Variants in SLC38A7 observed in about 807,000 individuals in gnomAD.
SLC38A7 encodes sodium-coupled neutral amino acid transporter 7.
SLC38A7 carries 29 observed loss-of-function variants against 50.1 expected under a neutral mutation model. That is an observed-to-expected ratio of 0.58 (90% confidence interval 0.43 to 0.79). The LOEUF (loss-of-function observed/expected upper bound fraction) is 0.79. Among genes scored for constraint, SLC38A7 ranks in the 30% least tolerant of loss-of-function variants. The pLI is 0.00. For synonymous variants in SLC38A7, 244 were observed against 245.9 expected, an observed-to-expected ratio of 0.99 and a Z score of 0.07; for missense variants, 483 against 610.6, an observed-to-expected ratio of 0.79 and a Z score of 2.20.
chr16:58,667,241 G>C lies in SLC38A7; in HGVS notation c.*144C>G. The stretch of plus-strand genomic sequence containing the variant: ...TGAGCTGTCCAGAGGTGTGGGGCCT[G>C]AGTTTGCCCCAGTCCCTGGAAGAGG... On this transcript the variant is annotated 3_prime_UTR_variant, in exon 12 of 12. Transcript: ENST00000219320. 1 of 799,660 alleles carries C rather than the reference G, an allele frequency of 1.3e-6. No individual in the cohort carries two copies. The highest frequency in any genetic ancestry group is 2.6e-5 in the East Asian group (1 of 38,080). 49.5% of individuals were successfully genotyped at this position (799,660 alleles called of 1,614,324 possible). A position where few individuals can be genotyped will look rare whatever the true frequency, so the allele number is the denominator to read the frequency against.
chr16:58,673,665 T>TTG (rs906560236), intron 8 of SLC38A7, among the ~76,000 whole-genome samples: 4 of 102,832 alleles, frequency 3.9e-5, no homozygotes, highest in African/African-American at 2.9e-4. Context: ...TGCCTGGCCG[T>TTG]TTTTTTTTTT....
At chr16:58,675,694 C>T (rs2152078376) in intron 8 of SLC38A7, among the ~76,000 whole-genome samples, 1 of 152,278 alleles carries the variant, frequency 6.6e-6, no homozygotes, top group South Asian at 2.1e-4. Context: ...CCATGGCATC[C>T]CCCATGCTGA....
chr16:58,678,425 G>A lies in SLC38A7; in HGVS notation c.519C>T (p.Tyr173=). Reference sequence around the variant, plus strand: ...GGCTGATGGTGAACTTGCGGTCTGTGTACCAAGGGCCGCTGGCCCCCTCCG... The same window carrying A: ...GGCTGATGGTGAACTTGCGGTCTGTATACCAAGGGCCGCTGGCCCCCTCCG... ...KEPEGASGPW[Y]TDRKFTISLT... is the part of the protein sequence containing the mutation. Residue 173 remains tyrosine, a synonymous_variant, in exon 5 of 12, where the codon TAC becomes TAT. Transcript: ENST00000219320. This position sits in a 1 kb window ranked among gnomAD's most constrained non-coding sequence, Gnocchi z 4.0. 6.3e-7 allele frequency: 1 copy of A among 1,592,878 alleles called. No individual in the cohort carries two copies. Among genetic ancestry groups the A allele is most frequent in the South Asian group, 1.1e-5 (1 of 88,064 alleles).
chr16:58,667,228 A>G lies in SLC38A7; in HGVS notation c.*157T>C. On this transcript the variant is annotated 3_prime_UTR_variant, in exon 12 of 12. Coordinates refer to ENST00000219320, the MANE Select transcript of SLC38A7 (RefSeq NM_018231.3). ...AGGGGACTGGATTTGAGCTGTCCAG[A>G]GGTGTGGGGCCTGAGTTTGCCCCAG... The G allele has an allele frequency of 1.4e-6, 1 of 708,580 alleles. No individual in the cohort carries two copies. The highest frequency in any genetic ancestry group is 1.7e-5 in the South Asian group (1 of 57,278). 43.9% of individuals were successfully genotyped at this position (708,580 alleles called of 1,614,324 possible).
chr16:58,671,187 C>T lies in SLC38A7; in HGVS notation c.1089G>A (p.Val363=). ...RYQGVPVEED[V]GRERRRRVLQ... Reference sequence around the variant, plus strand: ...GCACTCGCCGCCGCCGCTCCCGCCCCACGTCCTCCTCCACTGGCACCCCCT... The same window carrying T: ...GCACTCGCCGCCGCCGCTCCCGCCCTACGTCCTCCTCCACTGGCACCCCCT... The change falls in exon 10 of 12, where the codon GTG becomes GTA. Residue 363 remains valine, a synonymous_variant. Transcript: ENST00000219320. 1 of 1,614,028 alleles carries T rather than the reference C, an allele frequency of 6.2e-7. No homozygotes were observed. Among genetic ancestry groups the T allele is most frequent in the East Asian group, 2.2e-5 (1 of 44,870 alleles).
chr16:58,675,412 G>T, intron 8 of SLC38A7: 3 of 384,870 alleles, frequency 7.8e-6, no homozygotes, highest in Admixed American at 6.4e-5. Flanking sequence ...CTACTCTGGA[G>T]GCTGAGGCAG....
Position 58,680,027 on chromosome 16 carries a change from C to A in SLC38A7, c.100G>T (p.Ala34Ser). The A allele has an allele frequency of 6.2e-7, 1 of 1,608,878 alleles. No individual in the cohort carries two copies. Among genetic ancestry groups the A allele is most frequent in the South Asian group, 1.1e-5 (1 of 90,430 alleles). ...RLLQSPCVDT[A>S]PKSEWEASPG... ...GAGGCTTCCCACTCACTCTTGGGGG[C>A]TGTGTCCACACAGGGACTCTGCAGC... The change falls in exon 3 of 12, where the codon GCC (alanine) becomes TCC (serine). Residue 34 changes from alanine to serine, a missense_variant. Physicochemically the swap from Ala to Ser is moderately conservative, Grantham distance 99. Transcript: ENST00000219320.
Position 58,679,902 on chromosome 16 carries a change from G to A in SLC38A7, c.225C>T (p.Ala75=). Residue 75 remains alanine, a synonymous_variant, in exon 3 of 12, where the codon GCC becomes GCT. Coordinates refer to ENST00000219320, the MANE Select transcript of SLC38A7 (RefSeq NM_018231.3). ...CTGCCACGCCCCCCGCAGTGCTGAA[G>A]GCTGCTGGGAAGTTGAGTAACCCTG... ...LGAGLLNFPA[A]FSTAGGVAAG... 1.2e-6 allele frequency: 2 copies of A among 1,613,776 alleles called. No individual in the cohort carries two copies. The highest frequency in any genetic ancestry group is 1.1e-5 in the South Asian group (1 of 91,054).
Position 58,671,205 on chromosome 16 carries a change from C to T in SLC38A7, c.1071G>A (p.Val357=). The change falls in exon 10 of 12, where the codon GTG becomes GTA. Residue 357 remains valine (V), a synonymous_variant. Transcript: ENST00000219320. The stretch of plus-strand genomic sequence containing the variant: ...CCCGCCCCACGTCCTCCTCCACTGG[C>T]ACCCCCTGGTAGCGCAGCCACAGGC... ...VEGLWLRYQG[V]PVEEDVGRER... The T allele has an allele frequency of 6.2e-7, 1 of 1,613,968 alleles. No homozygotes were observed. The highest frequency in any genetic ancestry group is 1.7e-5 in the Admixed American group (1 of 60,014).
At chr16:58,670,961 T>C (rs1348728549) in intron 10 of SLC38A7, 84 bp downstream of exon 10, 5 of 1,461,376 alleles carry the variant, frequency 3.4e-6, no homozygotes. Context: ...TCCTGCATGT[T>C]TTGAGCAAGT....
At chr16:58,676,947 C>T (rs1289340445) in intron 6 of SLC38A7, among the ~76,000 whole-genome samples, 1 of 151,712 alleles carries the variant, frequency 6.6e-6, no homozygotes, top group Non-Finnish European at 1.5e-5. Flanking sequence ...AGCCATTGTG[C>T]CTGGCCCCCC....
intron 8 of SLC38A7, among the ~76,000 whole-genome samples, chr16:58,674,440 G>T (rs1170369311): frequency 2.6e-5 from 4 of 151,786 alleles, no homozygotes; most frequent in Admixed American, 2.6e-4. Context: ...CCATAACCTG[G>T]CTAATTTTTA....
chr16:58,677,385 G>T lies in SLC38A7; in HGVS notation c.651C>A (p.Ile217=). Residue 217 remains isoleucine, a synonymous_variant, in exon 6 of 12, where the codon ATC becomes ATA. Coordinates refer to ENST00000219320, the MANE Select transcript of SLC38A7 (RefSeq NM_018231.3). ...SVVGTWYVTA[I]VIIKYIWPDK... Reference sequence around the variant, plus strand: ...CTGGCCAGATGTACTTGATGATAACGATGGCTGTGACGTACCAGGTACCCA... The same window carrying T: ...CTGGCCAGATGTACTTGATGATAACTATGGCTGTGACGTACCAGGTACCCA... 2.5e-6 allele frequency: 4 copies of T among 1,613,648 alleles called. No individual in the cohort carries two copies. The highest frequency in any genetic ancestry group is 3.4e-6 in the Non-Finnish European group (4 of 1,179,894).
In SLC38A7 at chr16:58,666,364, GC is replaced by G. The variant is rs1383133854; in HGVS notation, c.*1020del. 6.9e-6 allele frequency: 1 copy of G among 145,372 alleles called. No individual in the cohort carries two copies. The highest frequency in any genetic ancestry group is 2.0e-4 in the East Asian group (1 of 4,914). The allele number at this position is 145,372 out of a possible 1,614,324, so 9.0% of individuals were successfully genotyped here. A position where few individuals can be genotyped will look rare whatever the true frequency, so the allele number is the denominator to read the frequency against. Reference sequence around the variant, plus strand: ...TTACAGGCGTGAGCCACTGCGCCCAGCCCTGCCTTTTTTTTTTTTTTTTTTT... The same window carrying G: ...TTACAGGCGTGAGCCACTGCGCCCAGCCTGCCTTTTTTTTTTTTTTTTTTT... On this transcript the variant is annotated 3_prime_UTR_variant, in exon 12 of 12. Transcript: ENST00000219320.
intron 2 of SLC38A7, among the ~76,000 whole-genome samples, chr16:58,680,742 C>A (rs765696166): frequency 1.4e-4 from 21 of 152,210 alleles, no homozygotes; most frequent in Non-Finnish European, 2.8e-4. Flanking sequence ...CAGTCCAGCA[C>A]GCCTCCCGGT....
chr16:58,669,893 T>C (rs1191725724), intron 11 of SLC38A7, among the ~76,000 whole-genome samples: 3 of 151,134 alleles, frequency 2.0e-5, no homozygotes, highest in Non-Finnish European at 4.4e-5. Context: ...GAGAATGGTG[T>C]GAACCCAGGA....
At chr16:58,670,193 C>T (rs764537910) in intron 10 of SLC38A7, 26 bp from the exon 11 acceptor site, 5 of 1,613,218 alleles carry the variant, frequency 3.1e-6, no homozygotes, top group African/African-American at 1.3e-5. Flanking sequence ...TGGCCCTGAG[C>T]ATTTGTGAGG....
chr16:58,677,914 C>T (rs1236083373), intron 5 of SLC38A7, among the ~76,000 whole-genome samples: 3 of 152,008 alleles, frequency 2.0e-5, no homozygotes, highest in African/African-American at 7.3e-5. Flanking sequence ...TAGAATCCCA[C>T]AGCCTTTCAG....
At chr16:58,684,501 C>G (rs1166442267) in intron 1 of SLC38A7, 1 of 152,554 alleles carries the variant, frequency 6.6e-6, no homozygotes, top group African/African-American at 2.4e-5. Context: ...GCTCCGGGAC[C>G]CGATCCCGGC....
Sources: allele counts gnomAD v4.1 joint callset (sites outside exome capture counted in the v4.1 genomes callset), GRCh38; gene constraint gnomAD v4.1.1; non-coding constraint Gnocchi (gnomAD v3.1); transcripts MANE v1.5; gene names NCBI Gene and HGNC (gene_info 2026-07-23, HGNC 2026-07-21).